SYNDIG1: variants seen among roughly 807,000 people sequenced by gnomAD.
SYNDIG1 encodes the protein synapse differentiation-inducing gene protein 1.
A neutral mutation model predicts 19.4 loss-of-function variants in SYNDIG1; 9 were observed. That is an observed-to-expected ratio of 0.46 (90% confidence interval 0.28 to 0.81). SYNDIG1 has a LOEUF of 0.81. SYNDIG1 is among the 30% of genes least tolerant of loss of function. The pLI is 0.12. For missense variants in SYNDIG1, 311 were observed against 343.3 expected (o/e 0.91, Z 0.74); for synonymous variants, 141 against 145.9 (o/e 0.97, Z 0.24).
intron 1 of SYNDIG1, among the ~76,000 whole-genome samples, chr20:24,537,927 G>A (rs538352585): frequency 1.3e-4 from 19 of 151,702 alleles, no homozygotes; most frequent in South Asian, 1.0e-3. Context: ...AGTGGTCAGC[G>A]CACAGTCTTC....
At chr20:24,510,666 T>C (rs1353422030) in intron 1 of SYNDIG1, among the ~76,000 whole-genome samples, 1 of 152,214 alleles carries the variant, frequency 6.6e-6, no homozygotes, top group East Asian at 1.9e-4. Flanking sequence ...GTGGGATAGC[T>C]TTAATTTACC....
chr20:24,514,380 A>C (rs1335689738), intron 1 of SYNDIG1, among the ~76,000 whole-genome samples: 2 of 152,334 alleles, frequency 1.3e-5, no homozygotes, highest in East Asian at 3.9e-4. Flanking sequence ...CAGGAGACCC[A>C]TCTCATGTGC....
intron 3 of SYNDIG1, among the ~76,000 whole-genome samples, chr20:24,653,226 T>C (rs1240213297): frequency 6.6e-6 from 1 of 152,062 alleles, no homozygotes; most frequent in East Asian, 1.9e-4. Flanking sequence ...TTTTGGAAGA[T>C]GAAAGCGCAC....
chr20:24,523,818 C>T (rs2057058359), intron 1 of SYNDIG1, among the ~76,000 whole-genome samples: 1 of 152,190 alleles, frequency 6.6e-6, no homozygotes, highest in African/African-American at 2.4e-5. Flanking sequence ...GCTGTGCATG[C>T]GCGCTGCCGT....
At chr20:24,616,875 A>G (rs1362526617) in intron 3 of SYNDIG1, among the ~76,000 whole-genome samples, 1 of 152,158 alleles carries the variant, frequency 6.6e-6, no homozygotes, top group Non-Finnish European at 1.5e-5. Context: ...GGCACTGGGG[A>G]CACTGCACAG....
At chr20:24,645,523 G>A (rs1312022913) in intron 3 of SYNDIG1, among the ~76,000 whole-genome samples, 1 of 152,212 alleles carries the variant, frequency 6.6e-6, no homozygotes, top group Non-Finnish European at 1.5e-5. Flanking sequence ...GAGAAAAGAG[G>A]GAGAGAGGAC....
At chr20:24,590,213 T>C (rs1391229870) in intron 3 of SYNDIG1, among the ~76,000 whole-genome samples, 2 of 151,652 alleles carry the variant, frequency 1.3e-5, no homozygotes, top group East Asian at 3.9e-4. Flanking sequence ...GGGGAGGAGC[T>C]TCCAGACAGA....
At position 24,552,664 on chromosome 20, in the gene SYNDIG1, A is replaced by G. The variant is rs1441002997; in HGVS notation, c.480+9087A>G. Among the ~76,000 whole-genome samples the G allele has an allele frequency of 2.6e-5, 4 of 152,110 alleles. No homozygotes were observed. The East Asian group carries it at 5.8e-4, about 22-fold the overall frequency. ...TCATCATTTTTTATGGCTGCATAGT[A>G]TTGCATGGTGTATATGTGCCACATT... On this transcript the variant is annotated intron_variant, in intron 2 of 3. Transcript: ENST00000376862.
chr20:24,644,209 T>G (rs1189864385), intron 3 of SYNDIG1, among the ~76,000 whole-genome samples: 1 of 152,212 alleles, frequency 6.6e-6, no homozygotes, highest in Non-Finnish European at 1.5e-5. Context: ...TGCTCATCCA[T>G]GAAGCAAGGC....
intron 3 of SYNDIG1, among the ~76,000 whole-genome samples, chr20:24,653,240 G>A (rs2059491046): frequency 6.6e-6 from 1 of 152,116 alleles, no homozygotes; most frequent in African/African-American, 2.4e-5. Context: ...AGCGCACGGA[G>A]GAGTGGTGAT....
At chr20:24,542,670 A>G (rs570227247) in intron 1 of SYNDIG1, among the ~76,000 whole-genome samples, 3 of 152,228 alleles carry the variant, frequency 2.0e-5, no homozygotes, top group African/African-American at 7.2e-5. Context: ...CTGTTTTCCT[A>G]TGGACTTGTC....
intron 2 of SYNDIG1, among the ~76,000 whole-genome samples, chr20:24,581,329 G>T (rs548279411): frequency 6.6e-6 from 1 of 152,230 alleles, no homozygotes; most frequent in Non-Finnish European, 1.5e-5. Flanking sequence ...TAAAAATAAA[G>T]AAACTAAAAG....
In SYNDIG1 at chr20:24,493,944, G is replaced by T. The variant is rs576127954; in HGVS notation, c.-79+24191G>T. 5.3e-5 allele frequency among the ~76,000 whole-genome samples: 8 copies of T among 152,328 alleles called. No individual in the cohort carries two copies. In the South Asian group the frequency reaches 1.7e-3, roughly 32 times the overall value. On this transcript the variant is annotated intron_variant, in intron 1 of 3. Coordinates refer to ENST00000376862, the MANE Select transcript of SYNDIG1 (RefSeq NM_024893.3). ...CTTGGAGTCATCCCAACGTGTGGAG[G>T]CCCAGAGGAGGAGACCCAGCCCTGG... is the stretch of plus-strand genomic sequence containing the variant.
At chr20:24,537,240 C>G (rs1311146223) in intron 1 of SYNDIG1, among the ~76,000 whole-genome samples, 1 of 152,174 alleles carries the variant, frequency 6.6e-6, no homozygotes, top group Non-Finnish European at 1.5e-5. Context: ...TTTTTCAAAC[C>G]TCTCTATTAC....
intron 3 of SYNDIG1, among the ~76,000 whole-genome samples, chr20:24,613,063 T>A (rs2058874456): frequency 6.6e-6 from 1 of 152,166 alleles, no homozygotes; most frequent in Non-Finnish European, 1.5e-5. Context: ...AGGCAGGGTG[T>A]CAGAGCAGAT....
At chr20:24,614,018 A>G (rs921780680) in intron 3 of SYNDIG1, among the ~76,000 whole-genome samples, 1 of 152,136 alleles carries the variant, frequency 6.6e-6, no homozygotes, top group Admixed American at 6.5e-5. Context: ...TCTTTTTGAC[A>G]GTATCTCTCT....
At chr20:24,600,133 T>C (rs1280960944) in intron 3 of SYNDIG1, among the ~76,000 whole-genome samples, 1 of 152,220 alleles carries the variant, frequency 6.6e-6, no homozygotes, top group Non-Finnish European at 1.5e-5. Flanking sequence ...ACAAAAAATA[T>C]CGAGCTTTCC....
intron 2 of SYNDIG1, among the ~76,000 whole-genome samples, chr20:24,576,462 C>T (rs746386573): frequency 2.6e-5 from 4 of 152,138 alleles, no homozygotes; most frequent in East Asian, 1.9e-4. Flanking sequence ...TGGGCTGTTG[C>T]GATGTGTGAT....
intron 3 of SYNDIG1, among the ~76,000 whole-genome samples, chr20:24,608,231 T>A (rs1429210940): frequency 1.3e-5 from 2 of 151,160 alleles, no homozygotes; most frequent in Admixed American, 6.6e-5. Context: ...TGTCACCCAG[T>A]CTGGAGTGCA....
Sources: gnomAD v4.1 joint callset for allele counts (sites outside exome capture counted in the v4.1 genomes callset) on GRCh38, gnomAD v4.1.1 for gene constraint, MANE v1.5 for transcripts, NCBI Gene and HGNC (gene_info 2026-07-23, HGNC 2026-07-21) for gene names.